Variants in STAMBP observed in about 807,000 individuals in gnomAD.
STAMBP encodes the protein STAM binding protein, also known as STAM-binding protein.
In STAMBP, 31 loss-of-function variants were observed where a neutral mutation model predicts 50.7. The ratio of observed to expected loss-of-function variants is 0.61; its 90% CI spans 0.46 to 0.83. The LOEUF is 0.83. STAMBP is among the 40% of genes least tolerant of loss of function. STAMBP has a pLI of 0.00. For missense variants in STAMBP, 472 were observed against 518.9 expected, an observed-to-expected ratio of 0.91 and a Z score of 0.88; for synonymous variants, 211 against 192.4, an observed-to-expected ratio of 1.10 and a Z score of -0.80.
At position 73,864,850 on chromosome 2, in the gene STAMBP, C is replaced by CA. The variant is rs1428210077; in HGVS notation, c.*2592dup. On this transcript the variant is annotated 3_prime_UTR_variant, in exon 10 of 10. Transcript: ENST00000394070. ...GCCATAGGCCAGGTGCAGAGAGAAT[C>CA]AGAGGAGCTGATTTGCTTGGGGTCA... The CA allele has an allele frequency of 6.6e-6, 1 of 152,250 alleles. No homozygotes were observed. The highest frequency in any genetic ancestry group is 1.5e-5 in the Non-Finnish European group (1 of 68,078). The allele number at this position is 152,250 out of a possible 1,614,324, so 9.4% of individuals were successfully genotyped here. A position where few individuals can be genotyped will look rare whatever the true frequency, so the allele number is the denominator to read the frequency against.
intron 4 of STAMBP, among the ~76,000 whole-genome samples, chr2:73,846,117 T>C (rs1329859038): frequency 6.6e-6 from 1 of 152,196 alleles, no homozygotes; most frequent in Non-Finnish European, 1.5e-5. Flanking sequence ...TGAACAGCTA[T>C]GAGGTATATA....
intron 7 of STAMBP, among the ~76,000 whole-genome samples, chr2:73,854,943 C>G (rs1677354175): frequency 6.6e-6 from 1 of 152,154 alleles, no homozygotes; most frequent in South Asian, 2.1e-4. Context: ...GAGCCGTGAT[C>G]ACACCACTGC....
chr2:73,838,114 A>G (rs918831481), intron 2 of STAMBP, among the ~76,000 whole-genome samples: 1 of 152,244 alleles, frequency 6.6e-6, no homozygotes, highest in African/African-American at 2.4e-5. Flanking sequence ...ACGGGTAGAA[A>G]GGTGAATGGA....
chr2:73,837,583 TCAAAAAAAAAAA>T (rs1674870225), intron 2 of STAMBP, among the ~76,000 whole-genome samples: 1 of 28,082 alleles, frequency 3.6e-5, no homozygotes, highest in African/African-American at 1.8e-4. Context: ...AGACTCCATC[TCAAAAAAAAAAA>T]AAAAAAAAAA....
chr2:73,864,176 G>C lies in STAMBP; in HGVS notation c.*1917G>C, dbSNP rs1311138947. ...CTGCTAGAATTCTCAAGTACAACCA[G>C]GGTTGACAACCACTGCATTGGTCTT... On this transcript the variant is annotated 3_prime_UTR_variant, in exon 10 of 10. Transcript: ENST00000394070. 1.3e-5 allele frequency: 2 copies of C among 152,150 alleles called. No homozygotes were observed. The highest frequency in any genetic ancestry group is 4.8e-5 in the African/African-American group (2 of 41,436). 9.4% of individuals were successfully genotyped at this position (152,150 alleles called of 1,614,324 possible). A position where few individuals can be genotyped will look rare whatever the true frequency, so the allele number is the denominator to read the frequency against.
At chr2:73,858,637 G>C (rs1352450518) in intron 7 of STAMBP, among the ~76,000 whole-genome samples, 1 of 152,062 alleles carries the variant, frequency 6.6e-6, no homozygotes, top group Non-Finnish European at 1.5e-5. Context: ...ATGAACAGTA[G>C]TCACCATGTT....
At position 73,849,495 on chromosome 2, in the gene STAMBP, GA is replaced by G. The variant is rs202168066; in HGVS notation, c.867+18del. 250 of 1,425,266 alleles carry G rather than the reference GA, an allele frequency of 1.8e-4. No individual in the cohort carries two copies. Among genetic ancestry groups the G allele is most frequent in the South Asian group, 1.4e-3 (103 of 75,690 alleles). 88.3% of individuals were successfully genotyped at this position (1,425,266 alleles called of 1,614,324 possible). On this transcript the variant is annotated intron_variant, in intron 6 of 9. Transcript: ENST00000394070. The stretch of plus-strand genomic sequence containing the variant: ...ATTCTCTGTGGAAAACTGGTAAAAA[GA>G]AAAAAAAAACCAAACTCTTCTCTGA...
At chr2:73,836,097 G>A (rs1415604568) in intron 2 of STAMBP, among the ~76,000 whole-genome samples, 2 of 151,858 alleles carry the variant, frequency 1.3e-5, no homozygotes, top group Non-Finnish European at 2.9e-5. Flanking sequence ...TTTTATATAT[G>A]TATATAATAA....
At chr2:73,852,454 G>A (rs528608741) in intron 7 of STAMBP, among the ~76,000 whole-genome samples, 75 of 152,308 alleles carry the variant, frequency 4.9e-4, no homozygotes, top group African/African-American at 1.6e-3. Flanking sequence ...GAACTTGGGA[G>A]CAAAGTCAAA....
At chr2:73,859,735 A>AAT (rs1251690797) in intron 8 of STAMBP, among the ~76,000 whole-genome samples, 15 of 151,936 alleles carry the variant, frequency 9.9e-5, no homozygotes, top group African/African-American at 3.4e-4. Flanking sequence ...TAAAAATAAA[A>AAT]AATAAGAAAG....
downstream of STAMBP, among the ~76,000 whole-genome samples, chr2:73,870,649 G>A (rs994986984): frequency 2.0e-5 from 3 of 152,170 alleles, no homozygotes; most frequent in African/African-American, 7.2e-5. Context: ...TAGACTAAAG[G>A]AAGTAACACT....
intron 8 of STAMBP, 92 bp from the exon 9 acceptor site, chr2:73,859,960 T>G: frequency 1.2e-6 from 1 of 846,292 alleles, no homozygotes; most frequent in Non-Finnish European, 2.0e-6. Flanking sequence ...CCCTGCTGTG[T>G]GAGTGTGCAT....
At chr2:73,859,901 GA>G in intron 8 of STAMBP, 150 bp from the exon 9 acceptor site, 1 of 583,112 alleles carries the variant, frequency 1.7e-6, no homozygotes, top group Non-Finnish European at 3.1e-6. Context: ...CACCAGAGAA[GA>G]GACCTGTGAG....
chr2:73,854,384 C>T (rs1258078780), intron 7 of STAMBP, among the ~76,000 whole-genome samples: 1 of 152,134 alleles, frequency 6.6e-6, no homozygotes, highest in African/African-American at 2.4e-5. Context: ...AACTTAGCTA[C>T]AAATGAATAA....
chr2:73,830,370 T>G (rs1673749203), intron 1 of STAMBP, among the ~76,000 whole-genome samples: 1 of 152,226 alleles, frequency 6.6e-6, no homozygotes, highest in African/African-American at 2.4e-5. Flanking sequence ...ACTCTCAGAT[T>G]AAGTAAAAAT....
Position 73,863,475 on chromosome 2 carries a change from G to GT in STAMBP, c.*1220dup, listed in dbSNP as rs1678575063. ...GAGGGAGAATCTGTGAATGCATAAA[G>GT]TTTTCTTCATTTTTAAATTTTGTCT... is the stretch of plus-strand genomic sequence containing the variant. On this transcript the variant is annotated 3_prime_UTR_variant, in exon 10 of 10. Coordinates refer to ENST00000394070, the MANE Select transcript of STAMBP (RefSeq NM_213622.4). 6.6e-6 allele frequency: 1 copy of GT among 152,130 alleles called. No individual in the cohort carries two copies. Among genetic ancestry groups the GT allele is most frequent in the Non-Finnish European group, 1.5e-5 (1 of 68,034 alleles). 9.4% of individuals were successfully genotyped at this position (152,130 alleles called of 1,614,324 possible).
In STAMBP at chr2:73,847,669, G is replaced by A. The variant is rs772459605; in HGVS notation, c.658G>A (p.Asp220Asn). The change falls in exon 5 of 10, where the codon GAC (aspartate) becomes AAC (asparagine). Residue 220 changes from aspartate to asparagine, a missense_variant. Asp to Asn is a conservative substitution (Grantham distance 23). Transcript: ENST00000394070. Reference protein sequence around the residue: ...TLTVSSIQPSDCHTTVRPAKP... With the variant: ...TLTVSSIQPSNCHTTVRPAKP... ...AACAGTCTCATCCATACAGCCTTCA[G>A]ACTGTCACACAACTGTAAGGCCAGC... 1.3e-5 allele frequency: 21 copies of A among 1,614,082 alleles called. No individual in the cohort carries two copies. The highest frequency in any genetic ancestry group is 1.4e-5 in the Non-Finnish European group (17 of 1,180,046).
intron 10 of STAMBP, among the ~76,000 whole-genome samples, chr2:73,873,095 G>A (rs889438185): frequency 2.0e-5 from 3 of 152,226 alleles, no homozygotes; most frequent in African/African-American, 7.2e-5. Flanking sequence ...TAGTCCAGCT[G>A]AGACACCGGG....
At chr2:73,852,917 G>GGGGTGTGT (rs1553383836) in intron 7 of STAMBP, among the ~76,000 whole-genome samples, 8 of 122,770 alleles carry the variant, frequency 6.5e-5, no homozygotes, top group African/African-American at 2.4e-4. Flanking sequence ...ATGTTGGCCA[G>GGGGTGTGT]GTGTGTGTGT....
Sources: gnomAD v4.1 joint callset for allele counts (sites outside exome capture counted in the v4.1 genomes callset) on GRCh38, gnomAD v4.1.1 for gene constraint, MANE v1.5 for transcripts, NCBI Gene and HGNC (gene_info 2026-07-23, HGNC 2026-07-21) for gene names.